Variants in IREB2 observed in about 807,000 individuals in gnomAD.
The protein encoded by IREB2 is iron responsive element binding protein 2.
A neutral mutation model predicts 118.8 loss-of-function variants in IREB2; 39 were observed. That is an observed-to-expected ratio of 0.33 (90% CI 0.25 to 0.43). The LOEUF is 0.43. Among genes scored for constraint, IREB2 ranks in the 20% least tolerant of loss-of-function variants. The pLI is 1.00. For missense variants in IREB2, 900 were observed against 1,147.3 expected (o/e 0.78, Z 3.11); for synonymous variants, 372 against 392.2 (o/e 0.95, Z 0.61).
chr15:78,493,784 G>A, intron 18 of IREB2, 125 bp from the exon 19 acceptor site: 1 of 800,624 alleles, frequency 1.2e-6, no homozygotes, highest in Non-Finnish European at 2.0e-6. Context: ...GACATTCATG[G>A]TTTTGTTTTC....
chr15:78,487,975 T>TTG (rs1235302511), intron 14 of IREB2, among the ~76,000 whole-genome samples, 158 bp downstream of exon 14: 1 of 152,200 alleles, frequency 6.6e-6, no homozygotes, highest in Admixed American at 6.5e-5. Flanking sequence ...AATGAATCAT[T>TTG]TGTAGATCCT....
At position 78,490,475 on chromosome 15, in the gene IREB2, A is replaced by C; in HGVS notation, c.2130A>C (p.Pro710=). ...SLEAPDSVLF[P]WDLKSTYIRC... ...AAGCACCGGATTCAGTTTTGTTTCC[A>C]TGGGACTTAAAGTCTACTTATATCA... is the stretch of plus-strand genomic sequence containing the variant. The change falls in exon 17 of 22, where the codon CCA becomes CCC. Residue 710 remains proline (P), a synonymous_variant. Coordinates refer to ENST00000258886, the MANE Select transcript of IREB2 (RefSeq NM_004136.4). The C allele has an allele frequency of 6.2e-7, 1 of 1,609,728 alleles. No individual in the cohort carries two copies. Among genetic ancestry groups the C allele is most frequent in the Non-Finnish European group, 8.5e-7 (1 of 1,178,838 alleles).
chr15:78,467,425 C>T (rs894878140), intron 5 of IREB2, among the ~76,000 whole-genome samples: 7 of 152,100 alleles, frequency 4.6e-5, no homozygotes, highest in African/African-American at 7.2e-5. Context: ...GGCGCGGTGG[C>T]GCATGCCTGG....
At chr15:78,470,020 T>C (rs915267702) in intron 5 of IREB2, among the ~76,000 whole-genome samples, 6 of 152,246 alleles carry the variant, frequency 3.9e-5, no homozygotes, top group African/African-American at 1.4e-4. Flanking sequence ...AACTGCTACT[T>C]ATACATAAAG....
At chr15:78,482,872 C>T (rs560082972) in intron 10 of IREB2, among the ~76,000 whole-genome samples, 49 of 152,168 alleles carry the variant, frequency 3.2e-4, no homozygotes, top group African/African-American at 1.1e-3. Context: ...CTCAGCCTCC[C>T]GAGTAGCTGG....
chr15:78,442,694 T>C (rs1280741463), intron 2 of IREB2, among the ~76,000 whole-genome samples: 4 of 152,344 alleles, frequency 2.6e-5, no homozygotes, highest in South Asian at 2.1e-4. Context: ...CATAACGAAG[T>C]GTGGAGATTG....
intron 2 of IREB2, 42 bp downstream of exon 2, chr15:78,439,923 A>C: frequency 8.5e-7 from 1 of 1,181,192 alleles, no homozygotes; most frequent in Non-Finnish European, 1.3e-6. Flanking sequence ...TTAGTCTCTA[A>C]TAATGAAAAT....
At chr15:78,447,865 T>C (rs1473675333) in intron 2 of IREB2, among the ~76,000 whole-genome samples, 1 of 152,184 alleles carries the variant, frequency 6.6e-6, no homozygotes, top group Admixed American at 6.5e-5. Context: ...CTATTGGACA[T>C]GACATTTGTG....
At chr15:78,465,601 A>T (rs559466043) in intron 4 of IREB2, among the ~76,000 whole-genome samples, 1 of 152,324 alleles carries the variant, frequency 6.6e-6, no homozygotes, top group African/African-American at 2.4e-5. Context: ...TTTGATAGAA[A>T]TGAATAAGCC....
chr15:78,458,646 C>G (rs1036319347), intron 2 of IREB2, among the ~76,000 whole-genome samples: 6 of 152,140 alleles, frequency 3.9e-5, no homozygotes, highest in Admixed American at 6.5e-5. Flanking sequence ...GTCCTGAACC[C>G]TACTCACCTC....
rs2051903230 is a variant in IREB2, at chr15:78,499,536, G to A, written c.*1393G>A. On this transcript the variant is annotated 3_prime_UTR_variant, in exon 22 of 22. Coordinates refer to ENST00000258886, the MANE Select transcript of IREB2 (RefSeq NM_004136.4). ...AAAATGCTGAAACTACCAAACCAGT[G>A]GATGAAGACCACTAAGAACTTTGCA... 6.6e-6 allele frequency: 1 copy of A among 152,062 alleles called. No homozygotes were observed. Among genetic ancestry groups the A allele is most frequent in the African/African-American group, 2.4e-5 (1 of 41,388 alleles). The allele number at this position is 152,062 out of a possible 1,614,324, so 9.4% of individuals were successfully genotyped here.
chr15:78,483,254 C>T (rs574636771), intron 10 of IREB2, 64 bp from the exon 11 acceptor site: 3 of 762,590 alleles, frequency 3.9e-6, no homozygotes, highest in Non-Finnish European at 6.9e-6. Flanking sequence ...AGTAATGCTT[C>T]AATTGGAATC....
rs1483244510 is a variant in IREB2 at position 78,497,236 on chromosome 15, G to A, written c.2706G>A (p.Leu902=). The A allele has an allele frequency of 8.7e-6, 14 of 1,613,804 alleles. No homozygotes were observed. Among genetic ancestry groups the A allele is most frequent in the Non-Finnish European group, 1.1e-5 (13 of 1,179,704 alleles). ...QFLPGENADS[L]GLSGRETFSL... is the part of the protein sequence containing the mutation. ...TTCCAGGAGAAAATGCAGATTCCTT[G>A]GGCCTCTCCGGTAGAGAAACATTTT... Residue 902 remains leucine (L), a synonymous_variant, in exon 21 of 22, where the codon TTG becomes TTA. Coordinates refer to ENST00000258886, the MANE Select transcript of IREB2 (RefSeq NM_004136.4).
At chr15:78,463,341 T>C (rs192436531) in intron 3 of IREB2, among the ~76,000 whole-genome samples, 123 of 152,222 alleles carry the variant, frequency 8.1e-4, no homozygotes, top group South Asian at 7.9e-3. Context: ...CTCTGGAGGC[T>C]GAGGTGGGAG....
intron 1 of IREB2, chr15:78,438,778 T>G: frequency 1.6e-5 from 4 of 248,826 alleles, no homozygotes; most frequent in Non-Finnish European, 1.6e-5. Context: ...TAGATGTTGA[T>G]TCCACGGTCC....
intron 2 of IREB2, among the ~76,000 whole-genome samples, chr15:78,450,903 C>T (rs2051015524): frequency 6.8e-6 from 1 of 147,942 alleles, no homozygotes; most frequent in Admixed American, 6.8e-5. Context: ...TGGTGTCCAC[C>T]TTTGGAAGTT....
At chr15:78,452,473 A>C (rs936249335) in intron 2 of IREB2, among the ~76,000 whole-genome samples, 12 of 152,216 alleles carry the variant, frequency 7.9e-5, no homozygotes, top group African/African-American at 2.4e-4. Context: ...CCATAGGAGC[A>C]GTTGTACTCC....
intron 2 of IREB2, among the ~76,000 whole-genome samples, chr15:78,450,866 GTGTGTGTA>G (rs1266357651): frequency 1.4e-5 from 2 of 138,006 alleles, no homozygotes; most frequent in African/African-American, 2.7e-5. Flanking sequence ...GTGTGTGTGT[GTGTGTGTA>G]TTTTAATATA....
At chr15:78,451,587 C>T (rs993679409) in intron 2 of IREB2, among the ~76,000 whole-genome samples, 1 of 152,124 alleles carries the variant, frequency 6.6e-6, no homozygotes, top group African/African-American at 2.4e-5. Flanking sequence ...GTAAACAATA[C>T]GAGTACTACA....
Sources: gnomAD v4.1 joint callset for allele counts (sites outside exome capture counted in the v4.1 genomes callset) on GRCh38, gnomAD v4.1.1 for gene constraint, MANE v1.5 for transcripts, NCBI Gene and HGNC (gene_info 2026-07-23, HGNC 2026-07-21) for gene names.